Variants in TTC39A observed in about 807,000 individuals in gnomAD.
TTC39A encodes the protein tetratricopeptide repeat domain 39A.
TTC39A carries 46 observed loss-of-function variants against 82.3 expected under a neutral mutation model. That is an observed-to-expected ratio of 0.56 (90% CI 0.44 to 0.71). The LOEUF is 0.71. TTC39A is among the 30% of genes least tolerant of loss of function. The pLI is 0.00. For missense variants in TTC39A, 543 were observed against 712.9 expected (o/e 0.76, Z 2.71); for synonymous variants, 254 against 275.2 (o/e 0.92, Z 0.76).
Position 51,287,813 on chromosome 1 carries a change from A to G in TTC39A, c.*344T>C, listed in dbSNP as rs963016589. On this transcript the variant is annotated 3_prime_UTR_variant, in exon 18 of 18. Transcript: ENST00000680483. Reference sequence around the variant, plus strand: ...GAAGACAAAGACTTACAGGTGGTTGATTGTTGTTGGTTTTTAAAGCCAACT... The same window carrying G: ...GAAGACAAAGACTTACAGGTGGTTGGTTGTTGTTGGTTTTTAAAGCCAACT... The G allele has an allele frequency of 9.6e-6, 2 of 208,866 alleles. No homozygotes were observed. Among genetic ancestry groups the G allele is most frequent in the South Asian group, 2.7e-4 (2 of 7,400 alleles). The allele number at this position is 208,866 out of a possible 1,614,324, so 12.9% of individuals were successfully genotyped here.
Position 51,301,583 on chromosome 1 carries a change from A to C in TTC39A, c.1042T>G (p.Cys348Gly). 1 of 1,608,476 alleles carries C rather than the reference A, an allele frequency of 6.2e-7. No homozygotes were observed. The highest frequency in any genetic ancestry group is 1.3e-5 in the African/African-American group (1 of 74,950). Residue 348 changes from cysteine to glycine, a missense_variant, in exon 12 of 18, where the codon TGC (cysteine) becomes GGC (glycine). Physicochemically the swap from Cys to Gly is radical, Grantham distance 159. Transcript: ENST00000680483. Reference protein sequence around the residue: ...FYADLLSKENCWSKATYIYMK... With the variant: ...FYADLLSKENGWSKATYIYMK... Reference sequence around the variant, plus strand: ...TGGCATCAGCCCACCTTGGACCAGCAGTTCTCCTTGCTGAGCAGGTCGGCG... The same window carrying C: ...TGGCATCAGCCCACCTTGGACCAGCCGTTCTCCTTGCTGAGCAGGTCGGCG...
At chr1:51,333,958 G>T (rs57098513), upstream of TTC39A, among the ~76,000 whole-genome samples, 7,572 of 152,038 alleles carry the variant, frequency 0.05, 595 homozygotes, top group African/African-American at 0.17. Flanking sequence ...TGTATAACAT[G>T]GATTATCTTA....
At chr1:51,335,995 T>C (rs1645969803), upstream of TTC39A, among the ~76,000 whole-genome samples, 1 of 143,946 alleles carries the variant, frequency 6.9e-6, no homozygotes, top group African/African-American at 2.6e-5. Flanking sequence ...TCCCAGCCCC[T>C]TCCCCCAGGC....
At chr1:51,312,717 C>T (rs1202169345) in intron 3 of TTC39A, 95 bp downstream of exon 3, 4 of 1,511,480 alleles carry the variant, frequency 2.6e-6, no homozygotes, top group African/African-American at 1.4e-5. Flanking sequence ...CCAAAAGCAG[C>T]AGTGCGAATA....
Position 51,321,857 on chromosome 1 carries a change from G to A in TTC39A, c.42-32C>T. Reference sequence around the variant, plus strand: ...GAAGAGATGCGGGGCATGACACAGGGGCCCTCCAACCCTCCAGCCTCTCCT... The same window carrying A: ...GAAGAGATGCGGGGCATGACACAGGAGCCCTCCAACCCTCCAGCCTCTCCT... On this transcript the variant is annotated intron_variant, in intron 1 of 17. Transcript: ENST00000680483. The surrounding 1 kb of genome is among the most constrained non-coding windows in gnomAD (Gnocchi z 4.6). 6.3e-7 allele frequency: 1 copy of A among 1,586,148 alleles called. No individual in the cohort carries two copies. Among genetic ancestry groups the A allele is most frequent in the Non-Finnish European group, 8.6e-7 (1 of 1,161,158 alleles).
Position 51,316,149 on chromosome 1 carries a change from C to T in TTC39A, c.147-3206G>A, listed in dbSNP as rs186806388. Among the ~76,000 whole-genome samples the T allele has an allele frequency of 4.4e-3, 664 of 152,252 alleles. 7 individuals are homozygous for T. The highest frequency in any genetic ancestry group is 4.1e-3 in the Non-Finnish European group (281 of 68,012). ...GACCCTGAGAACAGCCCACGTCTTGCTCAGTAATGGAGCCCCAGCACCCAG... is the reference window on the plus strand; with the variant it reads ...GACCCTGAGAACAGCCCACGTCTTGTTCAGTAATGGAGCCCCAGCACCCAG... On this transcript the variant is annotated intron_variant, in intron 2 of 17. Coordinates refer to ENST00000680483, the MANE Select transcript of TTC39A (RefSeq NM_001297663.2).
At chr1:51,341,629 C>G (rs1020238661) in intron 1 of TTC39A, among the ~76,000 whole-genome samples, 8 of 152,152 alleles carry the variant, frequency 5.3e-5, no homozygotes, top group African/African-American at 1.9e-4. Flanking sequence ...GCCTCTCACA[C>G]TAGAGCCCTC....
At chr1:51,328,206 T>C (rs1414070044) in intron 1 of TTC39A, among the ~76,000 whole-genome samples, 2 of 152,106 alleles carry the variant, frequency 1.3e-5, no homozygotes, top group Non-Finnish European at 2.9e-5. Flanking sequence ...TTATTTTATT[T>C]AAGATCGAGT....
chr1:51,344,200 G>GGCAT (rs1348464846), intron 1 of TTC39A, among the ~76,000 whole-genome samples: 3 of 152,334 alleles, frequency 2.0e-5, no homozygotes, highest in Admixed American at 1.3e-4. Flanking sequence ...TGCCAAGTTT[G>GGCAT]AGGTGTTCAT....
At position 51,330,139 on chromosome 1, in the gene TTC39A, C is replaced by A. The variant is rs1242136084; in HGVS notation, c.41+298G>T. ...AGGGCCCACCCCACAGGAGTGAACG[C>A]CACGAGGCAGGTGGGGAAGGCTGCT... is the stretch of plus-strand genomic sequence containing the variant. On this transcript the variant is annotated intron_variant, in intron 1 of 17. Transcript: ENST00000680483. This position sits in a 1 kb window ranked among gnomAD's most constrained non-coding sequence, Gnocchi z 4.5. 1 of 985,576 alleles carries A rather than the reference C, an allele frequency of 1.0e-6. No homozygotes were observed. Among genetic ancestry groups the A allele is most frequent in the South Asian group, 4.7e-5 (1 of 21,290 alleles). 61.1% of individuals were successfully genotyped at this position (985,576 alleles called of 1,614,324 possible). A position where few individuals can be genotyped will look rare whatever the true frequency, so the allele number is the denominator to read the frequency against.
chr1:51,327,561 C>CAAA (rs1404025862), intron 1 of TTC39A, among the ~76,000 whole-genome samples: 1 of 152,166 alleles, frequency 6.6e-6, no homozygotes, highest in Non-Finnish European at 1.5e-5. Flanking sequence ...TATGAGCCTC[C>CAAA]GTTTCCTCAT....
chr1:51,292,369 ATT>A (rs1468249375), intron 14 of TTC39A, among the ~76,000 whole-genome samples: 1 of 152,162 alleles, frequency 6.6e-6, no homozygotes, highest in East Asian at 1.9e-4. Flanking sequence ...TAGGAAGGGA[ATT>A]TCAGTTTAGA....
Position 51,320,871 on chromosome 1 carries a change from G to GTTTTT in TTC39A, c.146+845_146+849dup, listed in dbSNP as rs770160259. ...CTCATCTATCAGTAGATGTTTTCTG[G>GTTTTT]TTTTTTTTTTTTTTTTTTTGAGACA... On this transcript the variant is annotated intron_variant, in intron 2 of 17. Transcript: ENST00000680483. Among the ~76,000 whole-genome samples the GTTTTT allele has an allele frequency of 5.5e-5, 7 of 126,750 alleles. 1 individual carries two copies. Among genetic ancestry groups the GTTTTT allele is most frequent in the African/African-American group, 2.2e-4 (7 of 31,892 alleles). The allele number at this position is 126,750 out of a possible 152,430, so 83.2% of individuals were successfully genotyped here.
chr1:51,318,121 G>A (rs1302041580), intron 2 of TTC39A, among the ~76,000 whole-genome samples: 1 of 152,220 alleles, frequency 6.6e-6, no homozygotes, highest in Non-Finnish European at 1.5e-5. Flanking sequence ...AGTAGGCTGA[G>A]GCATGGCCTT....
chr1:51,344,956 G>A, intron 1 of TTC39A: 1 of 1,525,078 alleles, frequency 6.6e-7, no homozygotes, highest in Non-Finnish European at 8.8e-7. Flanking sequence ...GGTCCCGTCC[G>A]CGCCTTCCGC....
upstream of TTC39A, among the ~76,000 whole-genome samples, chr1:51,335,670 A>C (rs1236907858): frequency 3.9e-5 from 6 of 152,264 alleles, no homozygotes; most frequent in Middle Eastern, 3.4e-3. Context: ...AGATGAGAAA[A>C]TAGAGGCTTG....
At chr1:51,302,471 T>C in intron 10 of TTC39A, 35 bp downstream of exon 10, 1 of 1,607,270 alleles carries the variant, frequency 6.2e-7, no homozygotes, top group Non-Finnish European at 8.5e-7. Flanking sequence ...TGGGTGTTTG[T>C]GGGCTGGGGG....
rs76731461 is a variant in TTC39A at position 51,313,934 on chromosome 1, A to G, written c.147-991T>C. On this transcript the variant is annotated intron_variant, in intron 2 of 17. Transcript: ENST00000680483. ...TCAAATGCCTCCCAGACCACTGGGA[A>G]TCCAGGCCTCCTCCTCAGGGACTCC... Among the ~76,000 whole-genome samples, 1,266 of 152,386 alleles carry G rather than the reference A, an allele frequency of 8.3e-3. 13 individuals are homozygous for G. Among genetic ancestry groups the G allele is most frequent in the African/African-American group, 0.029 (1,223 of 41,590 alleles).
intron 8 of TTC39A, among the ~76,000 whole-genome samples, chr1:51,304,471 G>C (rs970876610): frequency 6.6e-6 from 1 of 152,156 alleles, no homozygotes; most frequent in Non-Finnish European, 1.5e-5. Context: ...ACAGAGAAAA[G>C]GGGATGAGGC....
Sources: gnomAD v4.1 joint callset for allele counts (sites outside exome capture counted in the v4.1 genomes callset) on GRCh38, gnomAD v4.1.1 for gene constraint, Gnocchi (gnomAD v3.1) non-coding constraint, MANE v1.5 for transcripts, NCBI Gene and HGNC (gene_info 2026-07-23, HGNC 2026-07-21) for gene names.